The following ITGB1BP1 variants were observed in gnomAD, a reference collection of about 807,000 sequenced individuals.
ITGB1BP1 encodes the protein integrin beta-1-binding protein 1.
ITGB1BP1 carries 20 observed loss-of-function variants against 28.0 expected under a neutral mutation model. That is an observed-to-expected ratio of 0.71 (90% CI 0.50 to 1.04). The LOEUF (loss-of-function observed/expected upper bound fraction) is 1.04. Among genes scored for constraint, ITGB1BP1 ranks in the 50% least tolerant of loss-of-function variants. The probability of loss-of-function intolerance (pLI) is 0.00; values close to 1 mark genes in which losing one functional copy is unlikely to be tolerated. For missense variants in ITGB1BP1, 228 were observed against 242.5 expected (o/e 0.94, Z 0.40); for synonymous variants, 103 against 89.5 (o/e 1.15, Z -0.85).
intron 1 of ITGB1BP1, among the ~76,000 whole-genome samples, chr2:9,421,945 C>G (rs1367011733): frequency 1.3e-5 from 2 of 152,144 alleles, no homozygotes; most frequent in Non-Finnish European, 2.9e-5. Flanking sequence ...GTATACCCCA[C>G]CTGAAGAGCT....
chr2:9,412,476 C>T, intron 3 of ITGB1BP1, 71 bp from the exon 4 acceptor site: 2 of 1,305,416 alleles, frequency 1.5e-6, no homozygotes, highest in Non-Finnish European at 2.1e-6. Context: ...CAGTCCCTTC[C>T]CAAATAAAAA....
chr2:9,413,752 G>A (rs1678763070), intron 3 of ITGB1BP1, among the ~76,000 whole-genome samples: 2 of 152,104 alleles, frequency 1.3e-5, no homozygotes, highest in South Asian at 4.1e-4. Flanking sequence ...GGGTTCCTTG[G>A]AGTAAATGAA....
upstream of ITGB1BP1, chr2:9,423,552 T>A: frequency 8.7e-7 from 1 of 1,143,878 alleles, no homozygotes; most frequent in Non-Finnish European, 1.2e-6. Context: ...CCTGACGTCC[T>A]ACCCCCGGTT....
In ITGB1BP1 at chr2:9,406,451, TAGTCTTCCTC is replaced by T; in HGVS notation, c.*373_*382del. On this transcript the variant is annotated 3_prime_UTR_variant, in exon 7 of 7. Coordinates refer to ENST00000355346, the MANE Select transcript of ITGB1BP1 (RefSeq NM_004763.5). ...TCACTGAGTGGACCTCTGTGACATC[TAGTCTTCCTC>T]AGGCCTTCAGTGTGTGTTTGTCACT... 2.1e-4 allele frequency: 4 copies of T among 18,876 alleles called. No individual in the cohort carries two copies. The highest frequency in any genetic ancestry group is 7.8e-4 in the African/African-American group (4 of 5,124). The allele number at this position is 18,876 out of a possible 1,614,324, so 1.2% of individuals were successfully genotyped here.
rs1227218928 is a variant in ITGB1BP1, at chr2:9,407,460, A to G, written c.520T>C (p.Cys174Arg). Residue 174 changes from cysteine (C) to arginine (R), a missense_variant, in exon 6 of 7, where the codon TGC becomes CGC. This residue lies in a region of ITGB1BP1 where 192 missense variants were observed against 181.6 expected (regional missense o/e 1.06). Transcript: ENST00000355346. ...NEEYSLWVYQ[C>R]NSLEQAQAIC... ...TAACGAAGTCTCACCAGGCTGTTGC[A>G]CTGATAAACCCACAGGCTGTATTCC... The G allele has an allele frequency of 4.3e-6, 7 of 1,614,090 alleles. No individual in the cohort carries two copies. The highest frequency in any genetic ancestry group is 4.0e-5 in the African/African-American group (3 of 74,928).
intron 6 of ITGB1BP1, 54 bp from the exon 7 acceptor site, chr2:9,406,959 C>T: frequency 7.3e-7 from 1 of 1,366,554 alleles, no homozygotes; most frequent in Non-Finnish European, 1.0e-6. Context: ...TCTTCGTGAA[C>T]TTAATTTGGC....
chr2:9,407,587 G>A lies in ITGB1BP1; in HGVS notation c.393C>T (p.His131=). Residue 131 remains histidine (H), a synonymous_variant, in exon 6 of 7, where the codon CAC becomes CAT. Coordinates refer to ENST00000355346, the MANE Select transcript of ITGB1BP1 (RefSeq NM_004763.5). Reference sequence around the variant, plus strand: ...GGATTATTAAGTAGAGAGCATGCCTGTGCAAAACATCCTGCAGAAGTCAGG... The same window carrying A: ...GGATTATTAAGTAGAGAGCATGCCTATGCAAAACATCCTGCAGAAGTCAGG... The part of the protein sequence containing the change: ...VSTSDQYDVL[H]RHALYLIIRM... The A allele has an allele frequency of 6.2e-7, 1 of 1,614,118 alleles. No homozygotes were observed. The highest frequency in any genetic ancestry group is 1.1e-5 in the South Asian group (1 of 91,074).
chr2:9,414,719 T>A (rs1204471267), intron 2 of ITGB1BP1, among the ~76,000 whole-genome samples: 1 of 152,176 alleles, frequency 6.6e-6, no homozygotes. Flanking sequence ...TCACATCTAG[T>A]AAATGGCTCC....
At position 9,412,394 on chromosome 2, in the gene ITGB1BP1, T is replaced by G; in HGVS notation, c.163A>C (p.Asn55His). Residue 55 changes from asparagine to histidine, a missense_variant, in exon 4 of 7, where the codon AAT (asparagine) becomes CAT (histidine). Coordinates refer to ENST00000355346, the MANE Select transcript of ITGB1BP1 (RefSeq NM_004763.5). Reference protein sequence around the residue: ...DSTKSSGQSNNNSDTCAEFRI... With the variant: ...DSTKSSGQSNHNSDTCAEFRI... ...AATTCTGCACAGGTATCTGAATTAT[T>G]GTTGCTTTGTCCTGAAGATGAAAGA... The G allele has an allele frequency of 6.2e-7, 1 of 1,606,352 alleles. No individual in the cohort carries two copies. Among genetic ancestry groups the G allele is most frequent in the Non-Finnish European group, 8.5e-7 (1 of 1,178,050 alleles).
At chr2:9,410,858 G>T (rs1478997257) in intron 4 of ITGB1BP1, among the ~76,000 whole-genome samples, 1 of 152,100 alleles carries the variant, frequency 6.6e-6, no homozygotes, top group Admixed American at 6.5e-5. Flanking sequence ...GATTACAGAC[G>T]TGAGCCACCA....
chr2:9,417,042 T>A (rs1679226978), intron 2 of ITGB1BP1, among the ~76,000 whole-genome samples: 1 of 151,932 alleles, frequency 6.6e-6, no homozygotes, highest in Admixed American at 6.6e-5. Flanking sequence ...ATCTCTCAGG[T>A]TCTTACCACA....
chr2:9,411,705 A>AAAAGC, intron 4 of ITGB1BP1, among the ~76,000 whole-genome samples: 1 of 150,720 alleles, frequency 6.6e-6, no homozygotes, highest in African/African-American at 2.5e-5. Flanking sequence ...CCTGGGCGAC[A>AAAAGC]GACCGAGACT....
In ITGB1BP1 at chr2:9,407,537, A is replaced by G. The variant is rs1677672893; in HGVS notation, c.443T>C (p.Leu148Pro). The part of the protein sequence containing the change: ...IIRMVCYDDG[L>P]GAGKSLLALK... ...AGCCAGTAAGCTTTTTCCCGCCCCC[A>G]GACCGTCATCGTAACACACCATCCG... The change falls in exon 6 of 7, where the codon CTG becomes CCG. Residue 148 changes from leucine to proline, a missense_variant. Around this residue, in one of 2 missense-constraint regions of ITGB1BP1, gnomAD observed 192 missense variants for 181.6 expected, o/e 1.06. Transcript: ENST00000355346. 1 of 1,614,004 alleles carries G rather than the reference A, an allele frequency of 6.2e-7. No homozygotes were observed. The highest frequency in any genetic ancestry group is 1.3e-5 in the African/African-American group (1 of 74,902).
intron 6 of ITGB1BP1, 26 bp downstream of exon 6, chr2:9,407,423 A>T: frequency 1.2e-6 from 2 of 1,613,914 alleles, no homozygotes; most frequent in Non-Finnish European, 1.7e-6. Context: ...ATGGGCAAGC[A>T]GCTAACCAAA....
At position 9,406,567 on chromosome 2, in the gene ITGB1BP1, CTTCTGTGACACTTAGGT is replaced by C. The variant is rs1202982756; in HGVS notation, c.*250_*266del. 4.6e-5 allele frequency: 20 copies of C among 433,196 alleles called. No homozygotes were observed. The highest frequency in any genetic ancestry group is 3.6e-4 in the African/African-American group (18 of 49,484). The allele number at this position is 433,196 out of a possible 1,614,324, so 26.8% of individuals were successfully genotyped here. A position where few individuals can be genotyped will look rare whatever the true frequency, so the allele number is the denominator to read the frequency against. ...TGAGTGGACCTCTGTGACACCTAGG[CTTCTGTGACACTTAGGT>C]TAAGCTTATTAGAAGTTGAAAAAGA... is the stretch of plus-strand genomic sequence containing the variant. On this transcript the variant is annotated 3_prime_UTR_variant, in exon 7 of 7. Coordinates refer to ENST00000355346, the MANE Select transcript of ITGB1BP1 (RefSeq NM_004763.5).
At chr2:9,416,418 C>T (rs1679150581) in intron 2 of ITGB1BP1, among the ~76,000 whole-genome samples, 1 of 152,056 alleles carries the variant, frequency 6.6e-6, no homozygotes, top group African/African-American at 2.4e-5. Context: ...GTGGGCGGGC[C>T]TCATCCAAGC....
chr2:9,422,456 T>C (rs1680010340), intron 1 of ITGB1BP1: 1 of 985,578 alleles, frequency 1.0e-6, no homozygotes, highest in Non-Finnish European at 1.2e-6. Context: ...CCTTCACCTG[T>C]CAGGCACTTG....
In ITGB1BP1 at chr2:9,413,751, G is replaced by C. The variant is rs1678762494; in HGVS notation, c.151+427C>G. On this transcript the variant is annotated intron_variant, in intron 3 of 6. Coordinates refer to ENST00000355346, the MANE Select transcript of ITGB1BP1 (RefSeq NM_004763.5). ...GAGCTGGTGAATCTCTGGGTTCCTT[G>C]GAGTAAATGAAAGGCTCCTTAGCCC... 2.6e-5 allele frequency among the ~76,000 whole-genome samples: 4 copies of C among 152,200 alleles called. No individual in the cohort carries two copies. The South Asian group carries it at 8.3e-4, about 32-fold the overall frequency.
chr2:9,404,056 T>C lies in ITGB1BP1; in HGVS notation c.*2778A>G, dbSNP rs774470544. ...GAATTTGGTTAAAAACTAAGGATGATGGATTGCAAAACAGTTCTTTTAAAT... is the reference window on the plus strand; with the variant it reads ...GAATTTGGTTAAAAACTAAGGATGACGGATTGCAAAACAGTTCTTTTAAAT... On this transcript the variant is annotated 3_prime_UTR_variant, in exon 7 of 7. Coordinates refer to ENST00000355346, the MANE Select transcript of ITGB1BP1 (RefSeq NM_004763.5). 6.6e-6 allele frequency: 1 copy of C among 152,278 alleles called. No individual in the cohort carries two copies. 9.4% of individuals were successfully genotyped at this position (152,278 alleles called of 1,614,324 possible).
Sources: gnomAD v4.1 joint callset for allele counts (sites outside exome capture counted in the v4.1 genomes callset) on GRCh38, gnomAD v4.1.1 for gene constraint, gnomAD v4.1.1 regional missense constraint, MANE v1.5 for transcripts, NCBI Gene and HGNC (gene_info 2026-07-23, HGNC 2026-07-21) for gene names.